The following LRRTM4 variants were observed in gnomAD, a reference collection of about 807,000 sequenced individuals.
The protein encoded by LRRTM4 is leucine-rich repeat transmembrane neuronal protein 4.
Under a neutral mutation model 47.6 loss-of-function variants are expected in LRRTM4, and 25 were observed. The observed-to-expected ratio is 0.53, with a 90% CI of 0.38 to 0.73. The LOEUF (loss-of-function observed/expected upper bound fraction) is 0.73, where lower values mean the gene tolerates loss of function less well. Among genes scored for constraint, LRRTM4 ranks in the 30% least tolerant of loss-of-function variants. The pLI is 0.00. For missense variants in LRRTM4, 638 were observed against 713.4 expected, an observed-to-expected ratio of 0.89 and a Z score of 1.20; for synonymous variants, 311 against 269.5, an observed-to-expected ratio of 1.15 and a Z score of -1.51.
chr2:77,192,568 T>C (rs528303539), intron 3 of LRRTM4, among the ~76,000 whole-genome samples: 50 of 152,230 alleles, frequency 3.3e-4, no homozygotes, highest in African/African-American at 1.2e-3. Flanking sequence ...TTAACCTTTT[T>C]TAAAGTAACC....
intron 3 of LRRTM4, among the ~76,000 whole-genome samples, chr2:76,916,384 CA>C (rs57874749): frequency 9.5e-3 from 509 of 53,462 alleles, no homozygotes; most frequent in African/African-American, 0.034. Flanking sequence ...GACTGTGTCT[CA>C]AAAAAAAAAA....
At chr2:76,828,656 G>C (rs1282596573) in intron 3 of LRRTM4, among the ~76,000 whole-genome samples, 1 of 151,918 alleles carries the variant, frequency 6.6e-6, no homozygotes, top group Non-Finnish European at 1.5e-5. Flanking sequence ...TTTAGAAACA[G>C]TTAGATCTTT....
At chr2:77,493,010 T>C (rs907296900) in intron 3 of LRRTM4, among the ~76,000 whole-genome samples, 4 of 152,002 alleles carry the variant, frequency 2.6e-5, no homozygotes, top group African/African-American at 9.7e-5. Context: ...TATAAATCAA[T>C]ACATACAGCC....
intron 3 of LRRTM4, among the ~76,000 whole-genome samples, chr2:77,435,531 A>G (rs900247425): frequency 9.9e-5 from 15 of 152,212 alleles, no homozygotes; most frequent in Non-Finnish European, 1.6e-4. Flanking sequence ...CATTAAAAAT[A>G]AACCCAACAT....
chr2:77,296,696 G>C (rs1166817007), intron 3 of LRRTM4, among the ~76,000 whole-genome samples: 1 of 152,118 alleles, frequency 6.6e-6, no homozygotes, highest in Admixed American at 6.6e-5. Flanking sequence ...AACTTTACCT[G>C]CTGTAAGTAA....
chr2:77,022,043 G>T (rs368927761), intron 3 of LRRTM4, among the ~76,000 whole-genome samples: 1 of 152,040 alleles, frequency 6.6e-6, no homozygotes, highest in African/African-American at 2.4e-5. Flanking sequence ...AGACATACCC[G>T]AGACTGGGAA....
chr2:76,923,815 G>T (rs2103814883), intron 3 of LRRTM4, among the ~76,000 whole-genome samples: 2 of 152,210 alleles, frequency 1.3e-5, no homozygotes, highest in Middle Eastern at 3.4e-3. Flanking sequence ...AGCTATTTCA[G>T]TGGTAATTTG....
intron 3 of LRRTM4, among the ~76,000 whole-genome samples, chr2:77,272,549 TTAAG>T (rs1676228318): frequency 6.6e-6 from 1 of 152,152 alleles, no homozygotes; most frequent in African/African-American, 2.4e-5. Flanking sequence ...CTTTTAAATA[TTAAG>T]TTTTATTTTC....
intron 3 of LRRTM4, among the ~76,000 whole-genome samples, chr2:77,123,662 A>G (rs188256202): frequency 1.3e-5 from 2 of 152,142 alleles, no homozygotes; most frequent in East Asian, 3.9e-4. Flanking sequence ...AAAAATTCTT[A>G]ATTTATATCA....
intron 3 of LRRTM4, among the ~76,000 whole-genome samples, chr2:77,185,443 A>T (rs867856400): frequency 6.6e-6 from 1 of 152,068 alleles, no homozygotes; most frequent in African/African-American, 2.4e-5. Flanking sequence ...AAATGGCTAC[A>T]AGGGCGTTTA....
At chr2:77,247,923 T>C (rs1265647278) in intron 3 of LRRTM4, among the ~76,000 whole-genome samples, 4 of 150,490 alleles carry the variant, frequency 2.7e-5, no homozygotes, top group African/African-American at 7.3e-5. Flanking sequence ...AATAATATGG[T>C]ATATGATATT....
At chr2:77,147,445 G>A (rs546856822) in intron 3 of LRRTM4, among the ~76,000 whole-genome samples, 5 of 152,138 alleles carry the variant, frequency 3.3e-5, no homozygotes, top group East Asian at 3.9e-4. Context: ...GACTCCAAGG[G>A]GTTTATTTTC....
intron 3 of LRRTM4, among the ~76,000 whole-genome samples, chr2:76,786,426 TCAGTTCTTATATAG>T (rs1674675217): frequency 1.3e-5 from 2 of 152,124 alleles, no homozygotes; most frequent in African/African-American, 4.8e-5. Context: ...TTTTATCTTT[TCAGTTCTTATATAG>T]CAATTCTTTC....
chr2:77,064,577 A>G (rs865786566), intron 3 of LRRTM4, among the ~76,000 whole-genome samples: 2 of 152,194 alleles, frequency 1.3e-5, no homozygotes, highest in Admixed American at 6.5e-5. Flanking sequence ...CAGGCTAGAG[A>G]AGTATGTGCA....
At chr2:76,911,141 G>C (rs1674040656) in intron 3 of LRRTM4, among the ~76,000 whole-genome samples, 1 of 152,112 alleles carries the variant, frequency 6.6e-6, no homozygotes, top group African/African-American at 2.4e-5. Flanking sequence ...TACTCATTTA[G>C]TCATAATTGC....
intron 3 of LRRTM4, among the ~76,000 whole-genome samples, chr2:77,387,117 T>G (rs779431760): frequency 1.3e-5 from 2 of 152,084 alleles, no homozygotes; most frequent in African/African-American, 2.4e-5. Context: ...CAATTGAGAA[T>G]AGTATAATAT....
At chr2:77,029,812 T>A (rs17013627) in intron 3 of LRRTM4, among the ~76,000 whole-genome samples, 7,162 of 152,222 alleles carry the variant, frequency 0.047, 590 homozygotes, top group African/African-American at 0.16. Flanking sequence ...GGAATCATCA[T>A]CTACCCTGAC....
chr2:76,988,376 C>T lies in LRRTM4; in HGVS notation c.1552-239460G>A, dbSNP rs1358357736. 1.3e-5 allele frequency among the ~76,000 whole-genome samples: 2 copies of T among 151,774 alleles called. 1 individual carries two copies. Among genetic ancestry groups the T allele is most frequent in the Admixed American group, 1.3e-4 (2 of 15,178 alleles). On this transcript the variant is annotated intron_variant, in intron 3 of 3. Coordinates refer to ENST00000409884, the MANE Select transcript of LRRTM4 (RefSeq NM_001134745.3). ...TGTTCCACTAAAACCTAAATCGGGG[C>T]ATTGAGGTGGCTGATGATGATAATA...
At chr2:76,898,471 T>G (rs1287644264) in intron 3 of LRRTM4, among the ~76,000 whole-genome samples, 2 of 147,022 alleles carry the variant, frequency 1.4e-5, no homozygotes, top group East Asian at 4.0e-4. Flanking sequence ...GAGAATCGCT[T>G]GAACCCAGGA....
Sources: allele counts gnomAD v4.1 joint callset (sites outside exome capture counted in the v4.1 genomes callset), GRCh38; gene constraint gnomAD v4.1.1; transcripts MANE v1.5; gene names NCBI Gene and HGNC (gene_info 2026-07-23, HGNC 2026-07-21).